Variants in PDE4D observed in about 807,000 individuals in gnomAD.
PDE4D encodes the protein 3',5'-cyclic-AMP phosphodiesterase 4D.
In PDE4D, 24 loss-of-function variants were observed where a neutral mutation model predicts 87.4. That is an observed-to-expected ratio of 0.27 (90% CI 0.20 to 0.39). The LOEUF (loss-of-function observed/expected upper bound fraction) is 0.39. Ranked by LOEUF, PDE4D falls within the 10% of genes least tolerant of loss-of-function variation. PDE4D has a pLI of 1.00. For synonymous variants in PDE4D, 384 were observed against 383.2 expected, an observed-to-expected ratio of 1.00 and a Z score of -0.02; for missense variants, 714 against 1,041.0, an observed-to-expected ratio of 0.69 and a Z score of 4.32.
intron 1 of PDE4D, among the ~76,000 whole-genome samples, chr5:59,293,932 G>A (rs1768542238): frequency 6.6e-6 from 1 of 152,092 alleles, no homozygotes; most frequent in African/African-American, 2.4e-5. Flanking sequence ...AGGTCACCAC[G>A]ACCACGCTCA....
In PDE4D at chr5:59,999,526, T is replaced by TAA. The variant is rs1325345412; in HGVS notation, c.43-10811_43-10810dup. Among the ~76,000 whole-genome samples the TAA allele has an allele frequency of 0.011, 601 of 57,108 alleles. 30 individuals carry two copies. In the East Asian group the frequency reaches 0.16, roughly 15 times the overall value. The allele number at this position is 57,108 out of a possible 152,430, so 37.5% of individuals were successfully genotyped here. A position where few individuals can be genotyped will look rare whatever the true frequency, so the allele number is the denominator to read the frequency against. ...AATTCAAAGAAGATGTATCCCGTGGTAAAAAAAAAAAAAAACAAAACAAAA... is the reference window on the plus strand; with the variant it reads ...AATTCAAAGAAGATGTATCCCGTGGTAAAAAAAAAAAAAAAAACAAAACAAAA... On this transcript the variant is annotated intron_variant, in intron 2 of 16. Transcript: ENST00000502484.
At chr5:59,197,881 T>C (rs551751040) in intron 2 of PDE4D, among the ~76,000 whole-genome samples, 6 of 152,294 alleles carry the variant, frequency 3.9e-5, no homozygotes, top group Non-Finnish European at 5.9e-5. Context: ...CCACAGAAGC[T>C]TTTTAAAGCG....
At chr5:59,831,939 A>G (rs1741315605) in intron 1 of PDE4D, among the ~76,000 whole-genome samples, 1 of 152,110 alleles carries the variant, frequency 6.6e-6, no homozygotes, top group Non-Finnish European at 1.5e-5. Context: ...CTACGAGACA[A>G]GCCAGAGATG....
At chr5:60,031,396 T>G (rs1343980872) in intron 2 of PDE4D, among the ~76,000 whole-genome samples, 1 of 152,146 alleles carries the variant, frequency 6.6e-6, no homozygotes, top group Non-Finnish European at 1.5e-5. Flanking sequence ...ATCCTGCCAT[T>G]GTAGAGTAAA....
At chr5:59,395,002 C>T (rs1468772493) in intron 1 of PDE4D, among the ~76,000 whole-genome samples, 1 of 152,164 alleles carries the variant, frequency 6.6e-6, no homozygotes, top group African/African-American at 2.4e-5. Flanking sequence ...TCACTCCCAC[C>T]CGAATACTGC....
At chr5:59,593,635 G>T (rs1189059755) in intron 1 of PDE4D, among the ~76,000 whole-genome samples, 2 of 152,188 alleles carry the variant, frequency 1.3e-5, no homozygotes, top group African/African-American at 4.8e-5. Context: ...AGGGCAAACT[G>T]CTGCCCAAAC....
intron 1 of PDE4D, chr5:60,304,300 C>T (rs1474972210): frequency 6.6e-6 from 1 of 152,054 alleles, no homozygotes; most frequent in Non-Finnish European, 1.5e-5. Flanking sequence ...CCCGTAAAGC[C>T]ACATGTTCCA....
At chr5:60,041,330 T>C (rs1474097982) in intron 2 of PDE4D, among the ~76,000 whole-genome samples, 1 of 152,272 alleles carries the variant, frequency 6.6e-6, no homozygotes, top group Admixed American at 6.5e-5. Flanking sequence ...AAAAAATCAC[T>C]TCTTGTCATG....
chr5:59,252,077 G>C (rs1760070661), intron 1 of PDE4D, among the ~76,000 whole-genome samples: 1 of 151,986 alleles, frequency 6.6e-6, no homozygotes, highest in Non-Finnish European at 1.5e-5. Context: ...TAGGCTTTGG[G>C]CTTAATACCC....
At chr5:59,433,883 A>G (rs552805476) in intron 1 of PDE4D, among the ~76,000 whole-genome samples, 60 of 152,226 alleles carry the variant, frequency 3.9e-4, no homozygotes, top group African/African-American at 1.4e-3. Context: ...AATTGCCAGC[A>G]AGCAGCAATT....
chr5:59,777,555 G>C (rs1269380592), intron 1 of PDE4D, among the ~76,000 whole-genome samples: 5 of 152,172 alleles, frequency 3.3e-5, no homozygotes, highest in African/African-American at 9.7e-5. Flanking sequence ...CATCTGGGGT[G>C]AGGCTCGAGC....
intron 2 of PDE4D, among the ~76,000 whole-genome samples, chr5:60,049,869 C>T (rs1197941208): frequency 1.3e-5 from 2 of 152,216 alleles, no homozygotes; most frequent in African/African-American, 4.8e-5. Flanking sequence ...GCAGGCAGGC[C>T]TCCTTGAGCT....
At chr5:59,757,268 C>T (rs1761388312) in intron 1 of PDE4D, among the ~76,000 whole-genome samples, 1 of 152,144 alleles carries the variant, frequency 6.6e-6, no homozygotes, top group Non-Finnish European at 1.5e-5. Context: ...GCCCTGTATA[C>T]ATTTGCTTAC....
intron 1 of PDE4D, among the ~76,000 whole-genome samples, chr5:59,648,032 T>C (rs189380834): frequency 5.3e-4 from 80 of 152,126 alleles, no homozygotes; most frequent in African/African-American, 1.8e-3. Context: ...ATATCCAGAG[T>C]TTCCATAAGA....
chr5:60,396,033 C>G (rs897860214), intron 1 of PDE4D, among the ~76,000 whole-genome samples: 1 of 152,246 alleles, frequency 6.6e-6, no homozygotes, highest in Non-Finnish European at 1.5e-5. Flanking sequence ...CCAGCTGGAA[C>G]AGCCTCCTTG....
chr5:59,565,868 A>T (rs1179596810), intron 1 of PDE4D, among the ~76,000 whole-genome samples: 1 of 152,198 alleles, frequency 6.6e-6, no homozygotes, highest in Non-Finnish European at 1.5e-5. Context: ...GGGAGAGTAC[A>T]TGAGTAGTGG....
intron 2 of PDE4D, among the ~76,000 whole-genome samples, chr5:60,073,961 T>C (rs1174052989): frequency 6.6e-6 from 1 of 151,974 alleles, no homozygotes; most frequent in Non-Finnish European, 1.5e-5. Context: ...TCTTATTAAT[T>C]TTTCAAAAAC....
At chr5:60,362,119 C>G (rs773840118) in intron 1 of PDE4D, among the ~76,000 whole-genome samples, 1 of 152,186 alleles carries the variant, frequency 6.6e-6, no homozygotes, top group Non-Finnish European at 1.5e-5. Flanking sequence ...CAATTTATGT[C>G]CTACAGAAAT....
At chr5:59,551,158 A>T (rs951117334) in intron 1 of PDE4D, among the ~76,000 whole-genome samples, 2 of 151,852 alleles carry the variant, frequency 1.3e-5, no homozygotes, top group Non-Finnish European at 2.9e-5. Context: ...CATTTTCTTC[A>T]TGCTTTCTCG....
Sources: gnomAD v4.1 joint callset for allele counts (sites outside exome capture counted in the v4.1 genomes callset) on GRCh38, gnomAD v4.1.1 for gene constraint, MANE v1.5 for transcripts, NCBI Gene and HGNC (gene_info 2026-07-23, HGNC 2026-07-21) for gene names.